The following SEMA3B variants were observed in gnomAD, a reference collection of about 807,000 sequenced individuals.
The protein encoded by SEMA3B is semaphorin 3B.
Under a neutral mutation model 77.8 loss-of-function variants are expected in SEMA3B, and 71 were observed. The observed-to-expected ratio is 0.91, with a 90% confidence interval of 0.75 to 1.11. SEMA3B has a LOEUF of 1.11. Ranked by LOEUF, SEMA3B falls within the 50% of genes most tolerant of loss-of-function variation. The pLI is 0.00. For synonymous variants in SEMA3B, 470 were observed against 452.9 expected (o/e 1.04, Z -0.48); for missense variants, 968 against 1,056.8 (o/e 0.92, Z 1.17).
chr3:50,276,772 T>G lies in SEMA3B; in HGVS notation c.*66T>G. On this transcript the variant is annotated 3_prime_UTR_variant, in exon 17 of 17. Transcript: ENST00000616701. The surrounding 1 kb of genome is among the most constrained non-coding windows in gnomAD (Gnocchi z 5.8). ...GGCGAGAGAGGAGCCAGACAGACCC[T>G]GAAAAGAAGGACGGGTTGGGGCCGG... 1 of 1,409,422 alleles carries G rather than the reference T, an allele frequency of 7.1e-7. No homozygotes were observed. Among genetic ancestry groups the G allele is most frequent in the South Asian group, 1.5e-5 (1 of 64,572 alleles). The allele number at this position is 1,409,422 out of a possible 1,614,324, so 87.3% of individuals were successfully genotyped here.
In SEMA3B at chr3:50,270,889, G is replaced by C. The variant is rs111861952; in HGVS notation, c.331-1G>C. The stretch of plus-strand genomic sequence containing the variant: ...AAGCCTCACACCTCCAACCCTACTA[G>C]ACTGAGTGCATGAACTTCGTGAAGT... On this transcript the variant is annotated splice_acceptor_variant, in intron 3 of 16. Transcript: ENST00000616701. LOFTEE classifies it high-confidence loss of function. The surrounding 1 kb of genome is among the most constrained non-coding windows in gnomAD (Gnocchi z 4.7). 1 of 1,600,580 alleles carries C rather than the reference G, an allele frequency of 6.2e-7. No individual in the cohort carries two copies. Among genetic ancestry groups the C allele is most frequent in the Non-Finnish European group, 8.5e-7 (1 of 1,173,458 alleles).
rs1553705867 is a variant in SEMA3B at position 50,273,693 on chromosome 3, A to G, written c.922+47A>G. 1.3e-6 allele frequency: 2 copies of G among 1,599,550 alleles called. No homozygotes were observed. Among genetic ancestry groups the G allele is most frequent in the African/African-American group, 1.3e-5 (1 of 74,830 alleles). ...GGGTTGGGGAGGGGGGCAGCGGCGC[A>G]GACTCCGGGAGCCCCCGCCGCAGCG... On this transcript the variant is annotated intron_variant, in intron 8 of 16. Coordinates refer to ENST00000616701, the MANE Select transcript of SEMA3B (RefSeq NM_001290060.2). This position sits in a 1 kb window ranked among gnomAD's most constrained non-coding sequence, Gnocchi z 6.5.
In SEMA3B at chr3:50,269,419, G is replaced by C; in HGVS notation, c.109+70G>C. 2 of 959,466 alleles carry C rather than the reference G, an allele frequency of 2.1e-6. No individual in the cohort carries two copies. Among genetic ancestry groups the C allele is most frequent in the East Asian group, 5.4e-5 (2 of 37,340 alleles). The allele number at this position is 959,466 out of a possible 1,614,324, so 59.4% of individuals were successfully genotyped here. ...GGAAAGGGTCCCCGTATGGCCAGGG[G>C]GCTCTGTGTTGGCTGTTGCCCCATG... On this transcript the variant is annotated intron_variant, in intron 1 of 16. Coordinates refer to ENST00000616701, the MANE Select transcript of SEMA3B (RefSeq NM_001290060.2). This position sits in a 1 kb window ranked among gnomAD's most constrained non-coding sequence, Gnocchi z 4.0.
intron 6 of SEMA3B, among the ~76,000 whole-genome samples, chr3:50,272,840 A>T (rs1553705581): frequency 8.7e-6 from 1 of 114,668 alleles, no homozygotes; most frequent in Non-Finnish European, 1.6e-5. Context: ...TGTCTCAAAA[A>T]ATAAATAAAT....
chr3:50,267,099 A>G (rs1416527518), upstream of SEMA3B, among the ~76,000 whole-genome samples: 6 of 152,174 alleles, frequency 3.9e-5, no homozygotes, highest in African/African-American at 1.4e-4. The surrounding 1 kb of genome is among the most constrained non-coding windows in gnomAD (Gnocchi z 5.7). Context: ...ACTGCTGGCC[A>G]GGCCACTGAA....
intron 5 of SEMA3B, 50 bp from the exon 6 acceptor site, chr3:50,271,311 C>T: frequency 6.4e-7 from 1 of 1,552,072 alleles, no homozygotes; most frequent in Non-Finnish European, 8.7e-7. Flanking sequence ...CCAGGCCCTC[C>T]TGCCCCAAGA....
Position 50,274,332 on chromosome 3 carries a change from C to G in SEMA3B, c.1138-31C>G. ...CCTATCAAGCCCCCATATCTATATC[C>G]CTGCTGTGCCTCCCTTTCCCCCACC... is the stretch of plus-strand genomic sequence containing the variant. On this transcript the variant is annotated intron_variant, in intron 10 of 16. Coordinates refer to ENST00000616701, the MANE Select transcript of SEMA3B (RefSeq NM_001290060.2). The surrounding 1 kb of genome is among the most constrained non-coding windows in gnomAD (Gnocchi z 4.7). 6.8e-7 allele frequency: 1 copy of G among 1,467,284 alleles called. No individual in the cohort carries two copies. Among genetic ancestry groups the G allele is most frequent in the Non-Finnish European group, 9.1e-7 (1 of 1,096,902 alleles). The allele number at this position is 1,467,284 out of a possible 1,614,324, so 90.9% of individuals were successfully genotyped here.
upstream of SEMA3B, among the ~76,000 whole-genome samples, chr3:50,268,056 C>T (rs1355379125): frequency 6.6e-6 from 1 of 152,076 alleles, no homozygotes; most frequent in Admixed American, 6.5e-5. Context: ...TGGGGAAGAA[C>T]TCAAGGGGTG....
At chr3:50,269,026 G>A (rs1284763569), upstream of SEMA3B, 5 of 585,718 alleles carry the variant, frequency 8.5e-6, no homozygotes, top group Non-Finnish European at 1.5e-5. The surrounding 1 kb of genome is among the most constrained non-coding windows in gnomAD (Gnocchi z 4.0). Flanking sequence ...TGGCCAGGCG[G>A]GGCACCCTCG....
upstream of SEMA3B, among the ~76,000 whole-genome samples, chr3:50,264,734 C>T (rs991370816): frequency 6.6e-6 from 1 of 152,234 alleles, no homozygotes; most frequent in African/African-American, 2.4e-5. Flanking sequence ...TAGCCCCCTC[C>T]ACCCTGCCGG....
rs1200688939 is a variant in SEMA3B, at chr3:50,275,570, C to A, written c.1660C>A (p.Arg554=). The A allele has an allele frequency of 3.1e-6, 5 of 1,613,512 alleles. No individual in the cohort carries two copies. The highest frequency in any genetic ancestry group is 4.5e-5 in the East Asian group (2 of 44,888). ...GGATGTTCCCCACAGGCGGTTCCGG[C>A]GGCAAGACGTAAGGAATGGCGACCC... ...FQPSAKRRFR[R]QDVRNGDPST... The change falls in exon 15 of 17, where the codon CGG becomes AGG. Residue 554 remains arginine (R), a synonymous_variant. Coordinates refer to ENST00000616701, the MANE Select transcript of SEMA3B (RefSeq NM_001290060.2). This position sits in a 1 kb window ranked among gnomAD's most constrained non-coding sequence, Gnocchi z 7.5.
rs1575477548 is a variant in SEMA3B, at chr3:50,276,926, G to A, written c.*220G>A. The A allele has an allele frequency of 1.1e-5, 6 of 523,622 alleles. No homozygotes were observed. In the East Asian group the frequency reaches 1.8e-4, roughly 15 times the overall value. The allele number at this position is 523,622 out of a possible 1,614,324, so 32.4% of individuals were successfully genotyped here. A position where few individuals can be genotyped will look rare whatever the true frequency, so the allele number is the denominator to read the frequency against. On this transcript the variant is annotated 3_prime_UTR_variant, in exon 17 of 17. Transcript: ENST00000616701. The surrounding 1 kb of genome is among the most constrained non-coding windows in gnomAD (Gnocchi z 5.8). ...GCCCCGGGAGGGCGGCACAGGTCGGGCGCAGGATTCAGCCGGAGGGAAGGG... is the reference window on the plus strand; with the variant it reads ...GCCCCGGGAGGGCGGCACAGGTCGGACGCAGGATTCAGCCGGAGGGAAGGG...
intron 6 of SEMA3B, among the ~76,000 whole-genome samples, chr3:50,272,328 A>G (rs1390421604): frequency 6.6e-6 from 1 of 152,188 alleles, no homozygotes; most frequent in East Asian, 1.9e-4. Context: ...TAATCTCAGC[A>G]CTTTGGGAGG....
the SEMA3B span, chr3:50,262,007 A>AC: frequency 6.6e-6 from 1 of 152,266 alleles, no homozygotes; most frequent in Non-Finnish European, 1.5e-5. Context: ...CTAAAAAGAG[A>AC]CCCTGGGGCT....
chr3:50,270,888 A>G lies in SEMA3B; in HGVS notation c.331-2A>G, dbSNP rs113504376. The G allele has an allele frequency of 6.2e-7, 1 of 1,600,008 alleles. No individual in the cohort carries two copies. Among genetic ancestry groups the G allele is most frequent in the Non-Finnish European group, 8.5e-7 (1 of 1,173,186 alleles). On this transcript the variant is annotated splice_acceptor_variant, in intron 3 of 16. Transcript: ENST00000616701. LOFTEE classifies it high-confidence loss of function. The surrounding 1 kb of genome is among the most constrained non-coding windows in gnomAD (Gnocchi z 4.7). ...GAAGCCTCACACCTCCAACCCTACTAGACTGAGTGCATGAACTTCGTGAAG... is the reference window on the plus strand; with the variant it reads ...GAAGCCTCACACCTCCAACCCTACTGGACTGAGTGCATGAACTTCGTGAAG...
rs1372052614 is a variant in SEMA3B, at chr3:50,276,581, A to C, written c.2125A>C (p.Met709Leu). Residue 709 changes from methionine (M) to leucine (L), a missense_variant, in exon 17 of 17, where the codon ATG becomes CTG. Physicochemically the swap from Met to Leu is conservative, Grantham distance 15 (BLOSUM62 2). Transcript: ENST00000616701. The surrounding 1 kb of genome is among the most constrained non-coding windows in gnomAD (Gnocchi z 5.8). ...AGGTGGCAGCGCGAACTCCCTGCGCATGTGCCGCCCGCAGCCTGCGCTGCA... is the reference window on the plus strand; with the variant it reads ...AGGTGGCAGCGCGAACTCCCTGCGCCTGTGCCGCCCGCAGCCTGCGCTGCA... ...GGGGSANSLRMCRPQPALQSL... is the reference protein window; with the variant it reads ...GGGGSANSLRLCRPQPALQSL... 1 of 1,558,010 alleles carries C rather than the reference A, an allele frequency of 6.4e-7. No homozygotes were observed. Among genetic ancestry groups the C allele is most frequent in the Non-Finnish European group, 8.6e-7 (1 of 1,157,662 alleles).
chr3:50,276,096 A>ACCC lies in SEMA3B; in HGVS notation c.1846-206_1846-205insCCC, dbSNP rs1653214883. 1.3e-6 allele frequency: 1 copy of ACCC among 753,568 alleles called. No individual in the cohort carries two copies. Among genetic ancestry groups the ACCC allele is most frequent in the African/African-American group, 1.8e-5 (1 of 54,136 alleles). The allele number at this position is 753,568 out of a possible 1,614,324, so 46.7% of individuals were successfully genotyped here. On this transcript the variant is annotated intron_variant, in intron 16 of 16. Transcript: ENST00000616701. This position sits in a 1 kb window ranked among gnomAD's most constrained non-coding sequence, Gnocchi z 5.8. ...TAAGGTCCCTGACCACCCCCCACCA[A>ACCC]GTTCATGTAAACCCCGCCTCTTTCG...
At position 50,270,599 on chromosome 3, in the gene SEMA3B, G is replaced by T; in HGVS notation, c.330+104G>T. 1 of 1,520,064 alleles carries T rather than the reference G, an allele frequency of 6.6e-7. No individual in the cohort carries two copies. The highest frequency in any genetic ancestry group is 1.4e-5 in the African/African-American group (1 of 73,264). 94.2% of individuals were successfully genotyped at this position (1,520,064 alleles called of 1,614,324 possible). On this transcript the variant is annotated intron_variant, in intron 3 of 16. Transcript: ENST00000616701. This position sits in a 1 kb window ranked among gnomAD's most constrained non-coding sequence, Gnocchi z 4.7. ...CCTGCCTGTTCTGGCTGGGATGAGGGCAGGGAGGTCGAGGTGGCTGAGGTC... is the reference window on the plus strand; with the variant it reads ...CCTGCCTGTTCTGGCTGGGATGAGGTCAGGGAGGTCGAGGTGGCTGAGGTC...
At position 50,276,934 on chromosome 3, in the gene SEMA3B, T is replaced by C. The variant is rs1701277960; in HGVS notation, c.*228T>C. On this transcript the variant is annotated 3_prime_UTR_variant, in exon 17 of 17. Coordinates refer to ENST00000616701, the MANE Select transcript of SEMA3B (RefSeq NM_001290060.2). This position sits in a 1 kb window ranked among gnomAD's most constrained non-coding sequence, Gnocchi z 5.8. ...AGGGCGGCACAGGTCGGGCGCAGGATTCAGCCGGAGGGAAGGGACGGGGAA... is the reference window on the plus strand; with the variant it reads ...AGGGCGGCACAGGTCGGGCGCAGGACTCAGCCGGAGGGAAGGGACGGGGAA... 3 of 496,144 alleles carry C rather than the reference T, an allele frequency of 6.0e-6. No individual in the cohort carries two copies. The East Asian group carries it at 1.1e-4, about 18-fold the overall frequency. The allele number at this position is 496,144 out of a possible 1,614,324, so 30.7% of individuals were successfully genotyped here. A position where few individuals can be genotyped will look rare whatever the true frequency, so the allele number is the denominator to read the frequency against.
Sources: allele counts gnomAD v4.1 joint callset (sites outside exome capture counted in the v4.1 genomes callset), GRCh38; gene constraint gnomAD v4.1.1; non-coding constraint Gnocchi (gnomAD v3.1); transcripts MANE v1.5; gene names NCBI Gene and HGNC (gene_info 2026-07-23, HGNC 2026-07-21).